The following PLXNC1 variants were observed in gnomAD, a reference collection of about 807,000 sequenced individuals.
The protein encoded by PLXNC1 is plexin C1, also known as plexin-C1.
Under a neutral mutation model 178.2 loss-of-function variants are expected in PLXNC1, and 75 were observed. That is an observed-to-expected ratio of 0.42 (90% CI 0.35 to 0.51). The LOEUF (loss-of-function observed/expected upper bound fraction) is 0.51. Among genes scored for constraint, PLXNC1 ranks in the 20% least tolerant of loss-of-function variants. The pLI, the probability that PLXNC1 is intolerant of heterozygous loss-of-function variation, is 0.02. For synonymous variants in PLXNC1, 790 were observed against 779.9 expected (o/e 1.01, Z -0.22); for missense variants, 1,503 against 1,984.4 (o/e 0.76, Z 4.61).
At chr12:94,280,047 G>A in intron 22 of PLXNC1, 1 of 350,276 alleles carries the variant, frequency 2.9e-6, no homozygotes, top group South Asian at 2.2e-5. Context: ...TACTGAGCGT[G>A]TCATTACTGG....
intron 1 of PLXNC1, among the ~76,000 whole-genome samples, chr12:94,163,307 G>A (rs1444128303): frequency 6.6e-6 from 1 of 152,048 alleles, no homozygotes; most frequent in Non-Finnish European, 1.5e-5. Flanking sequence ...GCCGTGAGCC[G>A]AGATCGTGCC....
intron 9 of PLXNC1, among the ~76,000 whole-genome samples, chr12:94,236,465 T>A (rs1964243499): frequency 6.6e-6 from 1 of 152,156 alleles, no homozygotes; most frequent in Non-Finnish European, 1.5e-5. Context: ...GAAGCAGGTG[T>A]TAGGCAGGTG....
At chr12:94,288,449 C>T (rs984155146) in intron 23 of PLXNC1, among the ~76,000 whole-genome samples, 2 of 152,200 alleles carry the variant, frequency 1.3e-5, no homozygotes, top group African/African-American at 4.8e-5. Flanking sequence ...TCAGGGCTAT[C>T]ACTAATAGGC....
intron 9 of PLXNC1, among the ~76,000 whole-genome samples, chr12:94,234,280 G>T (rs1010475122): frequency 2.0e-5 from 3 of 152,124 alleles, no homozygotes; most frequent in African/African-American, 7.2e-5. Flanking sequence ...GTTGACGTCA[G>T]ACTTCACAAA....
At chr12:94,157,824 TG>T (rs1368534691) in intron 1 of PLXNC1, among the ~76,000 whole-genome samples, 1 of 152,230 alleles carries the variant, frequency 6.6e-6, no homozygotes, top group African/African-American at 2.4e-5. Context: ...TGCTCAATTC[TG>T]CTGCTGTAGT....
intron 4 of PLXNC1, among the ~76,000 whole-genome samples, chr12:94,194,281 C>T (rs893306882): frequency 6.6e-6 from 1 of 152,192 alleles, no homozygotes; most frequent in African/African-American, 2.4e-5. Flanking sequence ...CAGGCCCCAC[C>T]TCCAACACTG....
At position 94,160,793 on chromosome 12, in the gene PLXNC1, A is replaced by C. The variant is rs552661339; in HGVS notation, c.1063-8360A>C. ...GCATGAAATGAAAACATTGGATTGC[A>C]AAATAGATGTAATATATTAATATAT... On this transcript the variant is annotated intron_variant, in intron 1 of 30. Transcript: ENST00000258526. Among the ~76,000 whole-genome samples the C allele has an allele frequency of 2.0e-5, 3 of 152,358 alleles. No homozygotes were observed. In the East Asian group the frequency reaches 5.8e-4, roughly 29 times the overall value.
chr12:94,230,730 A>G (rs1964076043), intron 9 of PLXNC1, among the ~76,000 whole-genome samples: 1 of 152,170 alleles, frequency 6.6e-6, no homozygotes, highest in Non-Finnish European at 1.5e-5. Flanking sequence ...AAAGCACCCA[A>G]TGTCTTTGTG....
intron 9 of PLXNC1, among the ~76,000 whole-genome samples, chr12:94,234,922 A>G (rs1406911928): frequency 2.6e-5 from 4 of 152,238 alleles, no homozygotes; most frequent in Admixed American, 2.6e-4. Context: ...TGGTAAAAAG[A>G]AAGAATGTAT....
intron 4 of PLXNC1, among the ~76,000 whole-genome samples, chr12:94,205,707 C>T (rs1304574171): frequency 6.6e-6 from 1 of 152,168 alleles, no homozygotes; most frequent in Admixed American, 6.5e-5. Context: ...CTGTGTTCTC[C>T]CCCAAATCCT....
At chr12:94,233,673 G>GC (rs1336123171) in intron 9 of PLXNC1, among the ~76,000 whole-genome samples, 1 of 152,130 alleles carries the variant, frequency 6.6e-6, no homozygotes, top group Non-Finnish European at 1.5e-5. Flanking sequence ...GTACCGAGGG[G>GC]CCCCCGTGAA....
At chr12:94,251,655 A>C in intron 15 of PLXNC1, 127 bp downstream of exon 15, 2 of 683,026 alleles carry the variant, frequency 2.9e-6, no homozygotes, top group South Asian at 3.3e-5. Flanking sequence ...CCAAATCAAA[A>C]CTTTGAGAAA....
rs1220553162 is a variant in PLXNC1, at chr12:94,240,682, A to G, written c.2300+18A>G. The G allele has an allele frequency of 1.9e-6, 3 of 1,580,040 alleles. No homozygotes were observed. The highest frequency in any genetic ancestry group is 2.3e-5 in the South Asian group (2 of 88,484). ...TGGATCAGGTACTTTCTAGATTCATAATCTTTTTCTCATTGTGGTTAAAGG... is the reference window on the plus strand; with the variant it reads ...TGGATCAGGTACTTTCTAGATTCATGATCTTTTTCTCATTGTGGTTAAAGG... On this transcript the variant is annotated intron_variant, in intron 11 of 30. Coordinates refer to ENST00000258526, the MANE Select transcript of PLXNC1 (RefSeq NM_005761.3).
intron 23 of PLXNC1, among the ~76,000 whole-genome samples, chr12:94,293,235 G>A (rs1967545974): frequency 6.6e-6 from 1 of 152,136 alleles, no homozygotes; most frequent in Non-Finnish European, 1.5e-5. Context: ...TTCTGATGAT[G>A]GATGTTTGAG....
At chr12:94,156,845 C>CT (rs1473232001) in intron 1 of PLXNC1, among the ~76,000 whole-genome samples, 1 of 151,656 alleles carries the variant, frequency 6.6e-6, no homozygotes, top group African/African-American at 2.4e-5. Flanking sequence ...GTAGCTGGGA[C>CT]TACAGGCACA....
At chr12:94,249,928 T>TGGGGGG (rs1565830415) in intron 14 of PLXNC1, among the ~76,000 whole-genome samples, 1 of 81,676 alleles carries the variant, frequency 1.2e-5, no homozygotes, top group African/African-American at 5.6e-5. Flanking sequence ...AAAGCACCAG[T>TGGGGGG]GTGGGGGGGT....
At chr12:94,166,440 G>C (rs1961614071) in intron 1 of PLXNC1, among the ~76,000 whole-genome samples, 1 of 151,976 alleles carries the variant, frequency 6.6e-6, no homozygotes, top group Non-Finnish European at 1.5e-5. Context: ...GGTCTGGCTG[G>C]CTCTCTATGC....
At chr12:94,228,601 T>C (rs1334542455) in intron 9 of PLXNC1, among the ~76,000 whole-genome samples, 2 of 152,170 alleles carry the variant, frequency 1.3e-5, no homozygotes, top group Non-Finnish European at 2.9e-5. Flanking sequence ...GAAACCGCCA[T>C]TCTAATTTTT....
intron 21 of PLXNC1, among the ~76,000 whole-genome samples, chr12:94,270,427 A>G (rs1298964667): frequency 6.6e-6 from 1 of 152,212 alleles, no homozygotes; most frequent in Non-Finnish European, 1.5e-5. Flanking sequence ...CCTTTAATCT[A>G]GAGCTTGACA....
Sources: gnomAD v4.1 joint callset for allele counts (sites outside exome capture counted in the v4.1 genomes callset) on GRCh38, gnomAD v4.1.1 for gene constraint, MANE v1.5 for transcripts, NCBI Gene and HGNC (gene_info 2026-07-23, HGNC 2026-07-21) for gene names.